Variants in CDH8 observed in about 807,000 individuals in gnomAD.
CDH8 encodes cadherin 8.
CDH8 carries 17 observed loss-of-function variants against 68.1 expected under a neutral mutation model. The ratio of observed to expected loss-of-function variants is 0.25; its 90% confidence interval spans 0.17 to 0.37. The LOEUF (loss-of-function observed/expected upper bound fraction) is 0.37, where lower values mean the gene tolerates loss of function less well. CDH8 is among the 10% of genes least tolerant of loss of function. The probability of loss-of-function intolerance (pLI) is 1.00; values close to 1 mark genes in which losing one functional copy is unlikely to be tolerated. For synonymous variants in CDH8, 372 were observed against 365.1 expected (o/e 1.02, Z -0.21); for missense variants, 763 against 999.3 (o/e 0.76, Z 3.19).
At chr16:61,778,530 T>C (rs920522378) in intron 8 of CDH8, among the ~76,000 whole-genome samples, 2 of 152,062 alleles carry the variant, frequency 1.3e-5, no homozygotes, top group Non-Finnish European at 2.9e-5. Flanking sequence ...AAAAATTAAA[T>C]AAATAATTTT....
intron 2 of CDH8, among the ~76,000 whole-genome samples, chr16:61,979,211 T>C (rs1435877971): frequency 6.6e-6 from 1 of 152,174 alleles, no homozygotes; most frequent in Non-Finnish European, 1.5e-5. Flanking sequence ...TGAGACATCA[T>C]ACAGGACTTT....
At chr16:61,955,379 TCCCGC>T (rs1964969953) in intron 2 of CDH8, among the ~76,000 whole-genome samples, 1 of 152,212 alleles carries the variant, frequency 6.6e-6, no homozygotes, top group Non-Finnish European at 1.5e-5. Flanking sequence ...CTGTAGCCAA[TCCCGC>T]TGTTTGTGTA....
At chr16:61,864,407 C>T (rs1226965095) in intron 3 of CDH8, among the ~76,000 whole-genome samples, 5 of 151,998 alleles carry the variant, frequency 3.3e-5, no homozygotes, top group African/African-American at 4.8e-5. Flanking sequence ...CACAGAGCAC[C>T]GACCTGATGT....
intron 5 of CDH8, 102 bp downstream of exon 5, chr16:61,824,910 A>C: frequency 2.1e-6 from 2 of 969,538 alleles, no homozygotes; most frequent in South Asian, 1.5e-5. Context: ...TAAGCCACTC[A>C]ATAGTTGCTG....
chr16:62,036,295 A>C lies in CDH8; in HGVS notation c.-415T>G. The C allele has an allele frequency of 6.5e-6, 1 of 152,830 alleles. No homozygotes were observed. Among genetic ancestry groups the C allele is most frequent in the East Asian group, 1.9e-4 (1 of 5,172 alleles). 9.5% of individuals were successfully genotyped at this position (152,830 alleles called of 1,614,324 possible). On this transcript the variant is annotated 5_prime_UTR_variant, in exon 1 of 12. Coordinates refer to ENST00000577390, the MANE Select transcript of CDH8 (RefSeq NM_001796.5). Reference sequence around the variant, plus strand: ...TCTGGGTGTCCGCAACCCAAAGTGCAGCTGGTGTCTTGACGCTACCGTCTA... The same window carrying C: ...TCTGGGTGTCCGCAACCCAAAGTGCCGCTGGTGTCTTGACGCTACCGTCTA...
rs549779243 is a variant in CDH8, at chr16:61,689,468, C to A, written c.1654+24373G>T. Reference sequence around the variant, plus strand: ...CTAAGTTGCTCCAGCCACACCCAGGCACATACAGACTGTGAATACTACTTC... The same window carrying A: ...CTAAGTTGCTCCAGCCACACCCAGGAACATACAGACTGTGAATACTACTTC... On this transcript the variant is annotated intron_variant, in intron 10 of 11. Coordinates refer to ENST00000577390, the MANE Select transcript of CDH8 (RefSeq NM_001796.5). Among the ~76,000 whole-genome samples the A allele has an allele frequency of 3.3e-5, 5 of 152,104 alleles. 1 individual carries two copies. In the South Asian group the frequency reaches 8.3e-4, roughly 25 times the overall value.
chr16:61,971,652 C>T (rs990114751), intron 2 of CDH8, among the ~76,000 whole-genome samples: 1 of 152,222 alleles, frequency 6.6e-6, no homozygotes, highest in Non-Finnish European at 1.5e-5. Context: ...AATCACTGGC[C>T]GTTGGTGATC....
intron 2 of CDH8, among the ~76,000 whole-genome samples, chr16:61,935,099 G>A (rs985380995): frequency 4.6e-5 from 7 of 152,144 alleles, no homozygotes; most frequent in Non-Finnish European, 1.0e-4. Flanking sequence ...CACATGGATT[G>A]GACATTAGAT....
chr16:61,711,915 C>T (rs1964638582), intron 10 of CDH8, among the ~76,000 whole-genome samples: 1 of 151,618 alleles, frequency 6.6e-6, no homozygotes, highest in South Asian at 2.1e-4. Context: ...TAAACACAGT[C>T]TAAAACAAGC....
At chr16:61,839,701 AGAT>A (rs1259236986) in intron 4 of CDH8, among the ~76,000 whole-genome samples, 3 of 152,114 alleles carry the variant, frequency 2.0e-5, no homozygotes, top group Non-Finnish European at 4.4e-5. Context: ...GCATAAGGCT[AGAT>A]AATGTGATTC....
At chr16:61,861,224 T>G (rs974031263) in intron 3 of CDH8, among the ~76,000 whole-genome samples, 1 of 152,192 alleles carries the variant, frequency 6.6e-6, no homozygotes, top group Non-Finnish European at 1.5e-5. Context: ...AAATAATAGT[T>G]AAAAATGCCT....
intron 2 of CDH8, among the ~76,000 whole-genome samples, chr16:61,994,741 G>C (rs1965781244): frequency 1.0e-5 from 1 of 97,314 alleles, no homozygotes; most frequent in Non-Finnish European, 1.9e-5. Context: ...CAGGCCCACT[G>C]TACCTGCTTT....
intron 10 of CDH8, among the ~76,000 whole-genome samples, chr16:61,704,223 T>C (rs906989969): frequency 6.6e-6 from 1 of 152,212 alleles, no homozygotes; most frequent in Non-Finnish European, 1.5e-5. Flanking sequence ...TTTTGAAAGA[T>C]CTCTCTGATA....
At chr16:61,784,102 T>C (rs1466455382) in intron 8 of CDH8, among the ~76,000 whole-genome samples, 7 of 149,838 alleles carry the variant, frequency 4.7e-5, no homozygotes, top group African/African-American at 1.7e-4. Context: ...ACTTTAAATG[T>C]AAATGGACTA....
intron 2 of CDH8, among the ~76,000 whole-genome samples, chr16:61,909,749 G>C (rs1400439378): frequency 2.6e-5 from 4 of 152,100 alleles, no homozygotes; most frequent in Admixed American, 2.0e-4. Flanking sequence ...CATGGTCTAG[G>C]CACCTTCTGT....
At chr16:61,718,494 G>A (rs1399428517) in intron 9 of CDH8, among the ~76,000 whole-genome samples, 3 of 151,218 alleles carry the variant, frequency 2.0e-5, no homozygotes, top group Non-Finnish European at 4.4e-5. Flanking sequence ...ATAATGATAT[G>A]AATTGTAAGG....
At chr16:61,953,704 C>CA (rs1567542449) in intron 2 of CDH8, among the ~76,000 whole-genome samples, 1 of 150,436 alleles carries the variant, frequency 6.6e-6, no homozygotes, top group African/African-American at 2.4e-5. Flanking sequence ...CCTGTCTCTA[C>CA]AAAAAAATAC....
intron 2 of CDH8, among the ~76,000 whole-genome samples, chr16:62,001,600 G>T (rs1194044820): frequency 1.3e-5 from 2 of 152,138 alleles, no homozygotes; most frequent in Non-Finnish European, 2.9e-5. Context: ...CTAGAAAGTT[G>T]CACTAGCTTC....
chr16:61,979,446 T>A (rs1340432800), intron 2 of CDH8, among the ~76,000 whole-genome samples: 2 of 152,180 alleles, frequency 1.3e-5, no homozygotes, highest in African/African-American at 4.8e-5. Context: ...AATTCTACCA[T>A]CTTGCAAACA....
Sources: allele counts gnomAD v4.1 joint callset (sites outside exome capture counted in the v4.1 genomes callset), GRCh38; gene constraint gnomAD v4.1.1; transcripts MANE v1.5; gene names NCBI Gene and HGNC (gene_info 2026-07-23, HGNC 2026-07-21).